MAF: variants seen among roughly 807,000 people sequenced by gnomAD.
The protein encoded by MAF is MAF bZIP transcription factor.
MAF carries 10 observed loss-of-function variants against 22.0 expected under a neutral mutation model. The ratio of observed to expected loss-of-function variants is 0.45; its 90% CI spans 0.28 to 0.77. The LOEUF is 0.77. Ranked by LOEUF, MAF falls within the 30% of genes least tolerant of loss-of-function variation. The probability of loss-of-function intolerance (pLI) is 0.12; values close to 1 mark genes in which losing one functional copy is unlikely to be tolerated. For synonymous variants in MAF, 337 were observed against 255.8 expected (o/e 1.32, Z -3.03); for missense variants, 544 against 548.4 (o/e 0.99, Z 0.08).
the MAF span, among the ~76,000 whole-genome samples, chr16:79,555,617 A>G: frequency 6.6e-6 from 1 of 152,236 alleles, no homozygotes; most frequent in Non-Finnish European, 1.5e-5. Context: ...AAAATGCTCC[A>G]AAACTGAAGT....
chr16:79,506,823 G>A, the MAF span, among the ~76,000 whole-genome samples: 32 of 152,168 alleles, frequency 2.1e-4, no homozygotes, highest in Admixed American at 1.3e-3. Context: ...CTCAAGATGG[G>A]GCCAGGTCAG....
At chr16:79,482,959 TC>T in the MAF span, among the ~76,000 whole-genome samples, 2 of 62,936 alleles carry the variant, frequency 3.2e-5, no homozygotes, top group African/African-American at 7.0e-5. Flanking sequence ...TCTCCCTCCC[TC>T]CCTCTGTCCC....
chr16:79,468,120 G>T, the MAF span, among the ~76,000 whole-genome samples: 1 of 152,156 alleles, frequency 6.6e-6, no homozygotes. Context: ...AGCAGCCATT[G>T]GTGCCTGGGT....
the MAF span, among the ~76,000 whole-genome samples, chr16:79,510,569 C>G: frequency 2.0e-5 from 3 of 152,056 alleles, no homozygotes; most frequent in Non-Finnish European, 4.4e-5. Flanking sequence ...ACTTTTAAGG[C>G]AGTTGCTCAT....
chr16:79,282,166 T>C, the MAF span, among the ~76,000 whole-genome samples: 2 of 152,244 alleles, frequency 1.3e-5, no homozygotes, highest in Admixed American at 6.5e-5. Flanking sequence ...CCTAGTGCCA[T>C]GAGTTCTAGA....
At chr16:79,444,982 A>T in the MAF span, among the ~76,000 whole-genome samples, 1 of 152,196 alleles carries the variant, frequency 6.6e-6, no homozygotes, top group Non-Finnish European at 1.5e-5. Context: ...TCTGGCAAAA[A>T]TTAATAATGA....
chr16:79,272,520 A>G, the MAF span, among the ~76,000 whole-genome samples: 411 of 152,296 alleles, frequency 2.7e-3, 2 homozygotes, highest in African/African-American at 9.5e-3. Flanking sequence ...ACTAGACCAC[A>G]GCGCCGCTCC....
chr16:79,520,686 T>C, the MAF span, among the ~76,000 whole-genome samples: 1 of 152,160 alleles, frequency 6.6e-6, no homozygotes, highest in Non-Finnish European at 1.5e-5. Context: ...GCAAATCAGA[T>C]CTGGTTTCTG....
At chr16:79,440,778 T>C in the MAF span, among the ~76,000 whole-genome samples, 1 of 152,232 alleles carries the variant, frequency 6.6e-6, no homozygotes, top group African/African-American at 2.4e-5. Context: ...CTGTTATTTT[T>C]AACATATAAA....
the MAF span, among the ~76,000 whole-genome samples, chr16:79,534,827 G>A: frequency 1.3e-5 from 2 of 152,172 alleles, 1 homozygote; most frequent in African/African-American, 4.8e-5. Context: ...AGAACTAGAA[G>A]AAAGAAAGCA....
chr16:79,320,125 G>C, the MAF span, among the ~76,000 whole-genome samples: 1 of 152,154 alleles, frequency 6.6e-6, no homozygotes, highest in Admixed American at 6.5e-5. Context: ...TATCAGGGAA[G>C]GCAGAACCCA....
At chr16:79,312,734 G>C in the MAF span, among the ~76,000 whole-genome samples, 2,418 of 152,294 alleles carry the variant, frequency 0.016, 16 homozygotes, top group Middle Eastern at 0.044. Context: ...GCCTGTCTTC[G>C]TGCCTGTCTC....
chr16:79,547,896 G>C, the MAF span, among the ~76,000 whole-genome samples: 2 of 138,420 alleles, frequency 1.4e-5, no homozygotes, highest in African/African-American at 5.3e-5. Flanking sequence ...GTGTGTGTGT[G>C]TGTGTGAGAG....
In MAF at chr16:79,594,302, G is replaced by C. The variant is rs916038778; in HGVS notation, c.*158C>G. Reference sequence around the variant, plus strand: ...GTCTCTATGAAACCCCCAGACAAGAGGCATAGTTAACTACTACATTTAATA... The same window carrying C: ...GTCTCTATGAAACCCCCAGACAAGACGCATAGTTAACTACTACATTTAATA... On this transcript the variant is annotated 3_prime_UTR_variant, in exon 2 of 2. Coordinates refer to ENST00000326043, the MANE Select transcript of MAF (RefSeq NM_005360.5). The C allele has an allele frequency of 5.6e-6, 4 of 716,340 alleles. No homozygotes were observed. The highest frequency in any genetic ancestry group is 9.5e-6 in the Non-Finnish European group (4 of 420,124). The allele number at this position is 716,340 out of a possible 1,614,324, so 44.4% of individuals were successfully genotyped here.
the MAF span, among the ~76,000 whole-genome samples, chr16:79,251,854 A>C: frequency 6.6e-6 from 1 of 152,236 alleles, no homozygotes; most frequent in East Asian, 1.9e-4. Flanking sequence ...AATTTAAAAA[A>C]AATTTTTTTG....
the MAF span, among the ~76,000 whole-genome samples, chr16:79,539,542 G>C: frequency 1.3e-5 from 2 of 151,862 alleles, no homozygotes; most frequent in African/African-American, 4.8e-5. Context: ...AGAAAAGAAA[G>C]TTTTAAAATT....
At chr16:79,228,666 G>A in the MAF span, among the ~76,000 whole-genome samples, 3 of 152,128 alleles carry the variant, frequency 2.0e-5, no homozygotes, top group East Asian at 3.9e-4. Context: ...ATGAAAGATA[G>A]AGGAAAAGAG....
chr16:79,351,851 A>G, the MAF span, among the ~76,000 whole-genome samples: 136 of 152,170 alleles, frequency 8.9e-4, no homozygotes, highest in African/African-American at 3.2e-3. Flanking sequence ...CAGCTTCACC[A>G]TGGATGGGCT....
At chr16:79,445,290 G>T in the MAF span, among the ~76,000 whole-genome samples, 1 of 151,768 alleles carries the variant, frequency 6.6e-6, no homozygotes, top group Non-Finnish European at 1.5e-5. Context: ...TGATCTGCCC[G>T]CCTTGGCCTC....
Sources: gnomAD v4.1 joint callset for allele counts (sites outside exome capture counted in the v4.1 genomes callset) on GRCh38, gnomAD v4.1.1 for gene constraint, MANE v1.5 for transcripts, NCBI Gene and HGNC (gene_info 2026-07-23, HGNC 2026-07-21) for gene names.